The following CNTN1 variants were observed in gnomAD, a reference collection of about 807,000 sequenced individuals.
The protein encoded by CNTN1 is contactin 1.
In CNTN1, 38 loss-of-function variants were observed where a neutral mutation model predicts 126.4. The ratio of observed to expected loss-of-function variants is 0.30; its 90% CI spans 0.23 to 0.39. The LOEUF (loss-of-function observed/expected upper bound fraction) is 0.39, where lower values mean the gene tolerates loss of function less well. CNTN1 is among the 10% of genes least tolerant of loss of function. CNTN1 has a pLI of 1.00. For missense variants in CNTN1, 1,009 were observed against 1,248.4 expected (o/e 0.81, Z 2.89); for synonymous variants, 413 against 422.6 (o/e 0.98, Z 0.28).
chr12:40,924,615 A>T lies in CNTN1; in HGVS notation c.459A>T (p.Gly153=). The T allele has an allele frequency of 6.2e-7, 1 of 1,607,520 alleles. No individual in the cohort carries two copies. The change falls in exon 6 of 24, where the codon GGA becomes GGT. Residue 153 remains glycine, a synonymous_variant. Coordinates refer to ENST00000551295, the MANE Select transcript of CNTN1 (RefSeq NM_001843.4). ...AGGTCAGAGTAAAAGAAGGGAAAGG[A>T]ATGGTGCTTCTCTGTGACCCCCCAT... The part of the protein sequence containing the change: ...RPEVRVKEGK[G]MVLLCDPPYH...
At chr12:40,712,696 T>C (rs911257434) in intron 1 of CNTN1, among the ~76,000 whole-genome samples, 4 of 152,166 alleles carry the variant, frequency 2.6e-5, no homozygotes, top group African/African-American at 9.6e-5. Context: ...TGCAGCATTA[T>C]CAGACAATAG....
chr12:40,892,964 T>C (rs945694798), intron 1 of CNTN1, among the ~76,000 whole-genome samples: 1 of 114,992 alleles, frequency 8.7e-6, no homozygotes, highest in African/African-American at 4.0e-5. Flanking sequence ...CTGGGGGGGG[T>C]GAATAAACAA....
chr12:40,980,852 G>C (rs948773719), intron 15 of CNTN1, 57 bp from the exon 16 acceptor site: 4 of 1,480,830 alleles, frequency 2.7e-6, no homozygotes, highest in Non-Finnish European at 3.8e-6. Flanking sequence ...ATATTCTAAT[G>C]TGTGTTTGAC....
intron 23 of CNTN1, among the ~76,000 whole-genome samples, chr12:41,058,767 T>C (rs1024325244): frequency 6.6e-6 from 1 of 152,182 alleles, no homozygotes; most frequent in Non-Finnish European, 1.5e-5. Flanking sequence ...AATTATTTTA[T>C]ATCTTCAGGT....
At chr12:40,737,359 G>GTATATATATATATA (rs57273919) in intron 1 of CNTN1, among the ~76,000 whole-genome samples, 62 of 113,268 alleles carry the variant, frequency 5.5e-4, no homozygotes, top group African/African-American at 7.4e-4. Flanking sequence ...ATGTGTGTGT[G>GTATATATATATATA]TATATATATA....
intron 1 of CNTN1, among the ~76,000 whole-genome samples, chr12:40,704,866 T>C (rs1461724118): frequency 6.6e-6 from 1 of 152,148 alleles, no homozygotes; most frequent in African/African-American, 2.4e-5. Context: ...GGTAAAGTGA[T>C]TAGTTGTAAA....
intron 23 of CNTN1, among the ~76,000 whole-genome samples, chr12:41,051,896 AC>A (rs1949693646): frequency 1.1e-4 from 2 of 17,618 alleles, no homozygotes; most frequent in Non-Finnish European, 2.0e-4. Context: ...CCACACAAAC[AC>A]ACACACACAC....
intron 1 of CNTN1, among the ~76,000 whole-genome samples, chr12:40,869,231 A>C (rs1468002294): frequency 1.3e-5 from 2 of 150,330 alleles, no homozygotes; most frequent in African/African-American, 2.5e-5. Flanking sequence ...AATATTGAAA[A>C]AAAATAAGGA....
At position 40,951,714 on chromosome 12, in the gene CNTN1, TTAAAAAA is replaced by T. The variant is rs1440864457; in HGVS notation, c.1684-7399_1684-7393del. On this transcript the variant is annotated intron_variant, in intron 14 of 23. Transcript: ENST00000551295. ...AAAGAGTGAGACTTTGTCTCAAAAT[TTAAAAAA>T]AAAAAAAAAAAAAAAAAAAAAGAAG... Among the ~76,000 whole-genome samples, 21 of 79,626 alleles carry T rather than the reference TTAAAAAA, an allele frequency of 2.6e-4. 1 individual carries two copies. Among genetic ancestry groups the T allele is most frequent in the African/African-American group, 1.1e-3 (19 of 17,040 alleles). The allele number at this position is 79,626 out of a possible 152,430, so 52.2% of individuals were successfully genotyped here. A position where few individuals can be genotyped will look rare whatever the true frequency, so the allele number is the denominator to read the frequency against.
chr12:40,944,849 C>T (rs1260175404), intron 14 of CNTN1, among the ~76,000 whole-genome samples: 1 of 151,946 alleles, frequency 6.6e-6, no homozygotes, highest in Non-Finnish European at 1.5e-5. Flanking sequence ...TAATCACTGG[C>T]CCTATCAGCC....
intron 1 of CNTN1, among the ~76,000 whole-genome samples, chr12:40,762,637 G>C (rs1010991943): frequency 6.6e-6 from 1 of 152,068 alleles, no homozygotes; most frequent in East Asian, 1.9e-4. Flanking sequence ...AGAAGGAAAG[G>C]ACTTGTGTCC....
chr12:41,056,862 A>G (rs944081172), intron 23 of CNTN1, among the ~76,000 whole-genome samples: 6 of 145,506 alleles, frequency 4.1e-5, no homozygotes, highest in Non-Finnish European at 9.0e-5. Context: ...AATTTATTAT[A>G]TTATAAATAT....
intron 23 of CNTN1, among the ~76,000 whole-genome samples, chr12:41,034,046 C>A (rs1430893522): frequency 6.6e-6 from 1 of 151,568 alleles, no homozygotes; most frequent in African/African-American, 2.4e-5. Flanking sequence ...TGAGACTCCA[C>A]CTCAAAAAAA....
At chr12:40,797,481 A>T (rs913225044) in intron 1 of CNTN1, among the ~76,000 whole-genome samples, 7 of 152,042 alleles carry the variant, frequency 4.6e-5, no homozygotes, top group Admixed American at 1.3e-4. Flanking sequence ...GCCCAGGGTG[A>T]CTGGAATGTA....
intron 23 of CNTN1, among the ~76,000 whole-genome samples, chr12:41,045,745 A>T (rs1424705407): frequency 6.6e-6 from 1 of 152,138 alleles, no homozygotes; most frequent in Non-Finnish European, 1.5e-5. Context: ...GACATTCCAG[A>T]GGCAGTTTTT....
At position 41,009,135 on chromosome 12, in the gene CNTN1, C is replaced by A. The variant is rs759863271; in HGVS notation, c.2114-5093C>A. 2.6e-5 allele frequency among the ~76,000 whole-genome samples: 4 copies of A among 152,194 alleles called. No homozygotes were observed. In the South Asian group the frequency reaches 8.3e-4, roughly 31 times the overall value. ...GAGTTTCCCTGAGATCTTCCCTGGC[C>A]GCATAGGTCTGTACCACAACTTGTT... On this transcript the variant is annotated intron_variant, in intron 17 of 23. Transcript: ENST00000551295.
chr12:40,962,001 T>A (rs1592327735), intron 15 of CNTN1, among the ~76,000 whole-genome samples: 1 of 152,154 alleles, frequency 6.6e-6, no homozygotes, highest in East Asian at 1.9e-4. Flanking sequence ...CTGCAGCTGC[T>A]GAAATTAGTG....
At chr12:41,006,071 A>T (rs1948485226) in intron 17 of CNTN1, among the ~76,000 whole-genome samples, 1 of 152,128 alleles carries the variant, frequency 6.6e-6, no homozygotes, top group African/African-American at 2.4e-5. Context: ...TAAGCTTTGA[A>T]ATTGACAACC....
At chr12:40,757,988 GATTA>G (rs140974925) in intron 1 of CNTN1, among the ~76,000 whole-genome samples, 16,618 of 151,678 alleles carry the variant, frequency 0.11, 987 homozygotes, top group Non-Finnish European at 0.13. Context: ...TGTTGTCGAG[GATTA>G]ATTAAGATAA....
Sources: gnomAD v4.1 joint callset for allele counts (sites outside exome capture counted in the v4.1 genomes callset) on GRCh38, gnomAD v4.1.1 for gene constraint, MANE v1.5 for transcripts, NCBI Gene and HGNC (gene_info 2026-07-23, HGNC 2026-07-21) for gene names.